Variants in NCKAP5 observed in about 807,000 individuals in gnomAD.
NCKAP5 encodes the protein NCK associated protein 5.
NCKAP5 carries 92 observed loss-of-function variants against 167.0 expected under a neutral mutation model. The observed-to-expected ratio is 0.55, with a 90% CI of 0.47 to 0.66. The LOEUF (loss-of-function observed/expected upper bound fraction) is 0.66. Ranked by LOEUF, NCKAP5 falls within the 30% of genes least tolerant of loss-of-function variation. The pLI, the probability that NCKAP5 is intolerant of heterozygous loss-of-function variation, is 0.00. For synonymous variants in NCKAP5, 891 were observed against 877.4 expected, an observed-to-expected ratio of 1.02 and a Z score of -0.27; for missense variants, 2,378 against 2,315.0, an observed-to-expected ratio of 1.03 and a Z score of -0.56.
chr2:133,289,567 C>T (rs538627809), intron 4 of NCKAP5, among the ~76,000 whole-genome samples: 5 of 152,024 alleles, frequency 3.3e-5, no homozygotes, highest in African/African-American at 1.2e-4. Context: ...CATGGTGGAA[C>T]CCTGTCTCTA....
intron 19 of NCKAP5, among the ~76,000 whole-genome samples, chr2:132,677,841 A>G (rs1383725459): frequency 6.6e-6 from 1 of 152,124 alleles, no homozygotes; most frequent in East Asian, 1.9e-4. Flanking sequence ...GTTCTAATCT[A>G]TGACTCACTT....
In NCKAP5 at chr2:132,784,766, C is replaced by G. The variant is rs1683399831; in HGVS notation, c.2045G>C (p.Ser682Thr). 4.3e-6 allele frequency: 7 copies of G among 1,612,098 alleles called. No individual in the cohort carries two copies. The African/African-American group carries it at 5.3e-5, about 12-fold the overall frequency. ...DAEDGEPIEF[S>T]SHQTGVVTVT... ...AGTGACAACCCCAGTCTGGTGAGAG[C>G]TGAATTCAATGGGCTCACCGTCTTC... Residue 682 changes from serine to threonine, a missense_variant, in exon 14 of 20, where the codon AGC becomes ACC. Around this residue, in one of 3 missense-constraint regions of NCKAP5, gnomAD observed 1,049 missense variants for 1,023.4 expected, o/e 1.02. Coordinates refer to ENST00000409261, the MANE Select transcript of NCKAP5 (RefSeq NM_207363.3).
chr2:133,570,023 A>G (rs565903524), upstream of NCKAP5, among the ~76,000 whole-genome samples: 1 of 151,914 alleles, frequency 6.6e-6, no homozygotes, highest in East Asian at 1.9e-4. Flanking sequence ...TTGTAAGCCA[A>G]TAAAAGGGAG....
At chr2:133,285,350 G>A (rs1162825182) in intron 4 of NCKAP5, among the ~76,000 whole-genome samples, 1 of 152,220 alleles carries the variant, frequency 6.6e-6, no homozygotes, top group African/African-American at 2.4e-5. Flanking sequence ...GTTATCCAAA[G>A]TTGAAAGTGA....
chr2:132,895,011 T>A (rs962395297), intron 8 of NCKAP5, among the ~76,000 whole-genome samples: 2 of 152,230 alleles, frequency 1.3e-5, no homozygotes, highest in Non-Finnish European at 2.9e-5. Flanking sequence ...GTTTTTGTCA[T>A]CTGGAGTGTC....
chr2:133,436,853 A>G lies in NCKAP5; in HGVS notation c.69+80605T>C, dbSNP rs137872020. On this transcript the variant is annotated intron_variant, in intron 3 of 19. Coordinates refer to ENST00000409261, the MANE Select transcript of NCKAP5 (RefSeq NM_207363.3). ...GTTGCCTATGAGCCCGTTTTCTCAGAGCATGTATGGTTTATACCTGCTGTC... is the reference window on the plus strand; with the variant it reads ...GTTGCCTATGAGCCCGTTTTCTCAGGGCATGTATGGTTTATACCTGCTGTC... Among the ~76,000 whole-genome samples the G allele has an allele frequency of 5.0e-3, 756 of 152,150 alleles. 6 individuals are homozygous for G. Among genetic ancestry groups the G allele is most frequent in the African/African-American group, 0.017 (720 of 41,516 alleles).
intron 3 of NCKAP5, among the ~76,000 whole-genome samples, chr2:133,417,560 C>T (rs1281478838): frequency 1.3e-5 from 2 of 152,140 alleles, no homozygotes; most frequent in South Asian, 2.1e-4. Context: ...TATGCTAATC[C>T]AAGGGGTTGG....
At chr2:133,146,521 G>A (rs1340630762) in intron 5 of NCKAP5, among the ~76,000 whole-genome samples, 6 of 152,072 alleles carry the variant, frequency 3.9e-5, no homozygotes, top group Non-Finnish European at 7.4e-5. Flanking sequence ...TAAAGTGTGA[G>A]TTGCTTTTAT....
At chr2:132,797,834 T>G (rs1174634789) in intron 11 of NCKAP5, among the ~76,000 whole-genome samples, 1 of 152,198 alleles carries the variant, frequency 6.6e-6, no homozygotes, top group Non-Finnish European at 1.5e-5. Context: ...ACATTCTCTG[T>G]GTTCCCCATT....
rs372479727 is a variant in NCKAP5 at position 133,497,970 on chromosome 2, T to C, written c.69+19488A>G. The stretch of plus-strand genomic sequence containing the variant: ...TGAGCAAATGCAGTCCCCAGAGCCA[T>C]GCGTATGTCTAATATCTATTCAGAT... On this transcript the variant is annotated intron_variant, in intron 3 of 19. Coordinates refer to ENST00000409261, the MANE Select transcript of NCKAP5 (RefSeq NM_207363.3). Among the ~76,000 whole-genome samples, 32 of 152,306 alleles carry C rather than the reference T, an allele frequency of 2.1e-4. No individual in the cohort carries two copies. In the East Asian group the frequency reaches 5.4e-3, roughly 26 times the overall value.
At chr2:132,927,611 T>C (rs1181251104) in intron 8 of NCKAP5, among the ~76,000 whole-genome samples, 3 of 152,116 alleles carry the variant, frequency 2.0e-5, no homozygotes, top group Admixed American at 1.3e-4. Flanking sequence ...CAGGGTTCTT[T>C]TGTTTGTTTT....
intron 3 of NCKAP5, among the ~76,000 whole-genome samples, chr2:133,464,758 G>C (rs923083676): frequency 6.6e-6 from 1 of 152,202 alleles, no homozygotes; most frequent in East Asian, 1.9e-4. Flanking sequence ...GATGTGGGAA[G>C]AAGGCAGTGA....
chr2:132,687,156 A>C (rs1686051849), intron 19 of NCKAP5, among the ~76,000 whole-genome samples: 1 of 152,202 alleles, frequency 6.6e-6, no homozygotes, highest in African/African-American at 2.4e-5. Flanking sequence ...CAGGCCCTTA[A>C]AGACGATGAG....
At chr2:133,503,015 G>T (rs1252463199) in intron 3 of NCKAP5, among the ~76,000 whole-genome samples, 1 of 152,198 alleles carries the variant, frequency 6.6e-6, no homozygotes, top group Admixed American at 6.5e-5. Flanking sequence ...GCATCTGAGA[G>T]TGGACAGAAA....
intron 2 of NCKAP5, among the ~76,000 whole-genome samples, chr2:133,537,437 G>T (rs549096211): frequency 3.9e-5 from 6 of 152,180 alleles, no homozygotes; most frequent in African/African-American, 1.4e-4. Context: ...ATGAAAATTT[G>T]ATGTCTTTCC....
At chr2:133,551,922 A>C (rs1687343302) in intron 2 of NCKAP5, among the ~76,000 whole-genome samples, 2 of 136,086 alleles carry the variant, frequency 1.5e-5, no homozygotes, top group African/African-American at 2.9e-5. Flanking sequence ...ACCCCATCAA[A>C]AAGTGGGCGA....
At chr2:132,869,698 T>A (rs978926582) in intron 9 of NCKAP5, among the ~76,000 whole-genome samples, 1 of 152,174 alleles carries the variant, frequency 6.6e-6, no homozygotes, top group African/African-American at 2.4e-5. Flanking sequence ...CTCTTGGGCT[T>A]ACAGGAAGTC....
At chr2:133,280,506 G>C (rs950087172) in intron 4 of NCKAP5, among the ~76,000 whole-genome samples, 5 of 151,894 alleles carry the variant, frequency 3.3e-5, no homozygotes, top group African/African-American at 4.8e-5. Flanking sequence ...TCCCAGGCTC[G>C]AGCCATCCTC....
chr2:133,268,712 C>T (rs906943250), intron 4 of NCKAP5, among the ~76,000 whole-genome samples: 4 of 152,086 alleles, frequency 2.6e-5, no homozygotes, highest in Non-Finnish European at 4.4e-5. Context: ...CCTCGTGATC[C>T]GCCCGCCGCG....
Sources: allele counts gnomAD v4.1 joint callset (sites outside exome capture counted in the v4.1 genomes callset), GRCh38; gene constraint gnomAD v4.1.1; regional missense constraint gnomAD v4.1.1; transcripts MANE v1.5; gene names NCBI Gene and HGNC (gene_info 2026-07-23, HGNC 2026-07-21).